Variants in CDH18 observed in about 807,000 individuals in gnomAD.
The protein encoded by CDH18 is cadherin 18, also known as cadherin-18.
CDH18 carries 31 observed loss-of-function variants against 67.9 expected under a neutral mutation model. The observed-to-expected ratio is 0.46, with a 90% CI of 0.34 to 0.62. The LOEUF (loss-of-function observed/expected upper bound fraction) is 0.62, where lower values mean the gene tolerates loss of function less well. Among genes scored for constraint, CDH18 ranks in the 20% least tolerant of loss-of-function variants. The pLI is 0.01. For missense variants in CDH18, 890 were observed against 975.5 expected (o/e 0.91, Z 1.17); for synonymous variants, 362 against 347.2 (o/e 1.04, Z -0.48).
intron 2 of CDH18, among the ~76,000 whole-genome samples, chr5:20,093,929 G>A (rs1745660946): frequency 6.6e-6 from 1 of 152,134 alleles, no homozygotes; most frequent in Admixed American, 6.6e-5. Context: ...TGAAGAGAAA[G>A]GAGAATAATC....
chr5:20,097,657 A>G (rs900094622), intron 2 of CDH18, among the ~76,000 whole-genome samples: 1 of 152,110 alleles, frequency 6.6e-6, no homozygotes, highest in Non-Finnish European at 1.5e-5. Flanking sequence ...TGGGTGTCCT[A>G]TTATTTCCGT....
intron 11 of CDH18, among the ~76,000 whole-genome samples, chr5:19,501,544 A>C (rs1743252213): frequency 6.6e-6 from 1 of 151,812 alleles, no homozygotes; most frequent in Non-Finnish European, 1.5e-5. Context: ...TGTGGGATTC[A>C]ATAATAGCAA....
intron 3 of CDH18, among the ~76,000 whole-genome samples, chr5:19,756,070 A>G (rs752588018): frequency 6.6e-6 from 1 of 152,164 alleles, no homozygotes; most frequent in Non-Finnish European, 1.5e-5. Context: ...GAGATCATGC[A>G]TAATCTTCAA....
chr5:19,792,630 A>G (rs1776477808), intron 3 of CDH18, among the ~76,000 whole-genome samples: 1 of 152,142 alleles, frequency 6.6e-6, no homozygotes, highest in Non-Finnish European at 1.5e-5. Context: ...TCCTAACTCA[A>G]TTAGAAATAA....
chr5:19,608,541 A>G (rs962993867), intron 6 of CDH18, among the ~76,000 whole-genome samples: 6 of 151,728 alleles, frequency 4.0e-5, no homozygotes, highest in African/African-American at 1.4e-4. Context: ...TATCTTCAGC[A>G]ATATTTTCTT....
chr5:19,594,351 C>T (rs1388674404), intron 6 of CDH18, among the ~76,000 whole-genome samples: 1 of 152,100 alleles, frequency 6.6e-6, no homozygotes, highest in African/African-American at 2.4e-5. Flanking sequence ...CAGGGTTTCA[C>T]TATGTTGGCC....
chr5:20,019,395 G>A (rs1429302430), intron 2 of CDH18, among the ~76,000 whole-genome samples: 2 of 152,142 alleles, frequency 1.3e-5, no homozygotes, highest in African/African-American at 4.8e-5. Context: ...GTTTGGATTT[G>A]TGTCCCCACT....
At chr5:20,081,268 A>G (rs1041991848) in intron 2 of CDH18, among the ~76,000 whole-genome samples, 1 of 152,202 alleles carries the variant, frequency 6.6e-6, no homozygotes, top group Non-Finnish European at 1.5e-5. Flanking sequence ...ATTTACAAAA[A>G]TATGATACCT....
intron 2 of CDH18, among the ~76,000 whole-genome samples, chr5:19,887,554 C>T (rs1170186896): frequency 5.3e-5 from 8 of 151,826 alleles, no homozygotes; most frequent in African/African-American, 1.9e-4. Context: ...TTTAGCTCTA[C>T]AATCCATCTG....
chr5:20,101,764 G>A (rs1406761852), intron 2 of CDH18, among the ~76,000 whole-genome samples: 3 of 152,138 alleles, frequency 2.0e-5, no homozygotes, highest in African/African-American at 7.2e-5. Flanking sequence ...TCTGATAATA[G>A]AAAGGCTGTG....
chr5:19,702,947 C>A (rs1353834928), intron 5 of CDH18, among the ~76,000 whole-genome samples: 1 of 152,186 alleles, frequency 6.6e-6, no homozygotes, highest in Non-Finnish European at 1.5e-5. Context: ...CATGTTCCTG[C>A]TGCAGATAAC....
chr5:20,379,035 T>C (rs1010712552), intron 1 of CDH18, among the ~76,000 whole-genome samples: 4 of 152,160 alleles, frequency 2.6e-5, no homozygotes, highest in African/African-American at 9.7e-5. Context: ...GTCTACACTC[T>C]ATGTTTTATG....
At chr5:19,535,966 G>C (rs1200605412) in intron 9 of CDH18, among the ~76,000 whole-genome samples, 1 of 152,150 alleles carries the variant, frequency 6.6e-6, no homozygotes, top group Non-Finnish European at 1.5e-5. Flanking sequence ...GGTTAAATAG[G>C]ATATTTGCAT....
At chr5:20,038,069 C>T (rs914383609) in intron 2 of CDH18, among the ~76,000 whole-genome samples, 1 of 152,144 alleles carries the variant, frequency 6.6e-6, no homozygotes, top group African/African-American at 2.4e-5. Flanking sequence ...ATACTGTAAA[C>T]ACCTCTACAC....
At chr5:19,835,482 T>TC (rs1306379085) in intron 3 of CDH18, among the ~76,000 whole-genome samples, 1 of 151,762 alleles carries the variant, frequency 6.6e-6, no homozygotes, top group African/African-American at 2.4e-5. Context: ...TTTCTCTGTA[T>TC]TTTTTTAGAA....
At chr5:20,274,150 T>A (rs933643841) in intron 1 of CDH18, among the ~76,000 whole-genome samples, 68 of 152,262 alleles carry the variant, frequency 4.5e-4, no homozygotes, top group African/African-American at 1.6e-3. Flanking sequence ...TATTAGAATG[T>A]TCCCTATTGT....
At chr5:19,961,473 T>C (rs1358648671) in intron 2 of CDH18, among the ~76,000 whole-genome samples, 5 of 152,138 alleles carry the variant, frequency 3.3e-5, no homozygotes, top group Non-Finnish European at 7.3e-5. Flanking sequence ...AACTTCATTA[T>C]CTGGCACATA....
chr5:20,315,616 C>T (rs1309383565), intron 1 of CDH18, among the ~76,000 whole-genome samples: 1 of 152,106 alleles, frequency 6.6e-6, no homozygotes, highest in Non-Finnish European at 1.5e-5. Flanking sequence ...CTGCACTTGG[C>T]AACTTGCTTC....
At chr5:20,098,995 A>C (rs6893270) in intron 2 of CDH18, among the ~76,000 whole-genome samples, 3,363 of 152,316 alleles carry the variant, frequency 0.022, 117 homozygotes, top group African/African-American at 0.072. Flanking sequence ...AGTGAGAAAT[A>C]ACTTTGAAAA....
Sources: gnomAD v4.1 joint callset for allele counts (sites outside exome capture counted in the v4.1 genomes callset) on GRCh38, gnomAD v4.1.1 for gene constraint, MANE v1.5 for transcripts, NCBI Gene and HGNC (gene_info 2026-07-23, HGNC 2026-07-21) for gene names.